CNTNAP2: variants seen among roughly 807,000 people sequenced by gnomAD.
CNTNAP2 encodes contactin-associated protein-like 2.
Under a neutral mutation model 155.2 loss-of-function variants are expected in CNTNAP2, and 98 were observed. The observed-to-expected ratio is 0.63, with a 90% CI of 0.54 to 0.75. The LOEUF (loss-of-function observed/expected upper bound fraction) is 0.75. Among genes scored for constraint, CNTNAP2 ranks in the 30% least tolerant of loss-of-function variants. The probability of loss-of-function intolerance (pLI) is 0.00; values close to 1 mark genes in which losing one functional copy is unlikely to be tolerated. For missense variants in CNTNAP2, 1,727 were observed against 1,688.1 expected (o/e 1.02, Z -0.40); for synonymous variants, 651 against 631.2 (o/e 1.03, Z -0.47).
chr7:147,486,292 A>G (rs1798510313), intron 11 of CNTNAP2, among the ~76,000 whole-genome samples: 1 of 152,288 alleles, frequency 6.6e-6, no homozygotes, highest in South Asian at 2.1e-4. Flanking sequence ...ATAAACACAT[A>G]GTTGAGATTG....
chr7:147,915,456 T>A (rs1279225872), intron 14 of CNTNAP2, among the ~76,000 whole-genome samples: 1 of 152,194 alleles, frequency 6.6e-6, no homozygotes, highest in Non-Finnish European at 1.5e-5. Flanking sequence ...TATAGGAATA[T>A]GATATTATGA....
intron 1 of CNTNAP2, among the ~76,000 whole-genome samples, chr7:146,722,353 A>G (rs1801353134): frequency 6.6e-6 from 1 of 152,108 alleles, no homozygotes; most frequent in Non-Finnish European, 1.5e-5. Context: ...AGACACTAAT[A>G]CCCTGGGGTA....
At chr7:147,251,559 C>A (rs949835113) in intron 8 of CNTNAP2, among the ~76,000 whole-genome samples, 6 of 152,128 alleles carry the variant, frequency 3.9e-5, no homozygotes, top group African/African-American at 7.2e-5. Context: ...AAGAGAATTA[C>A]CTCCTCTGGA....
chr7:146,702,404 G>A (rs931331761), intron 1 of CNTNAP2, among the ~76,000 whole-genome samples: 2 of 152,090 alleles, frequency 1.3e-5, no homozygotes, highest in Non-Finnish European at 2.9e-5. Context: ...TAAAAGGGCA[G>A]AGAATTGTGA....
At position 147,613,460 on chromosome 7, in the gene CNTNAP2, C is replaced by T. The variant is rs192487900; in HGVS notation, c.1898-25646C>T. ...AAATTTCACATTCTTTATGGCATGT[C>T]GATGAAGAAGAGAGCTGAATTTTAA... On this transcript the variant is annotated intron_variant, in intron 12 of 23. Transcript: ENST00000361727. Among the ~76,000 whole-genome samples, 541 of 152,234 alleles carry T rather than the reference C, an allele frequency of 3.6e-3. 16 individuals carry two copies. The highest frequency in any genetic ancestry group is 1.4e-3 in the Non-Finnish European group (94 of 68,026).
In CNTNAP2 at chr7:146,708,588, A is replaced by ATTTTTTTTTTTTTTT. The variant is rs71165029; in HGVS notation, c.98-65671_98-65657dup. 6.6e-4 allele frequency among the ~76,000 whole-genome samples: 42 copies of ATTTTTTTTTTTTTTT among 63,972 alleles called. 13 individuals carry two copies. The highest frequency in any genetic ancestry group is 1.8e-3 in the African/African-American group (23 of 12,798). 42.0% of individuals were successfully genotyped at this position (63,972 alleles called of 152,430 possible). A position where few individuals can be genotyped will look rare whatever the true frequency, so the allele number is the denominator to read the frequency against. ...CTGTTTAAGAAAAAAAAAAAAAGTG[A>ATTTTTTTTTTTTTTT]TTTTTTTTTTTTTTTTTTTTTTTTT... On this transcript the variant is annotated intron_variant, in intron 1 of 23. Coordinates refer to ENST00000361727, the MANE Select transcript of CNTNAP2 (RefSeq NM_014141.6).
chr7:147,128,616 C>A (rs185321863), intron 6 of CNTNAP2, 77 bp from the exon 7 acceptor site: 2 of 1,540,838 alleles, frequency 1.3e-6, no homozygotes, highest in Non-Finnish European at 1.8e-6. Flanking sequence ...GATACTTGAC[C>A]TTCACTGTAT....
At chr7:148,218,134 A>C (rs1795679862) in intron 19 of CNTNAP2, among the ~76,000 whole-genome samples, 1 of 152,258 alleles carries the variant, frequency 6.6e-6, no homozygotes, top group African/African-American at 2.4e-5. Context: ...TCAAAAGAAA[A>C]AAAAGACTAA....
At chr7:146,443,286 A>G (rs1209481492) in intron 1 of CNTNAP2, among the ~76,000 whole-genome samples, 1 of 151,874 alleles carries the variant, frequency 6.6e-6, no homozygotes, top group Non-Finnish European at 1.5e-5. Context: ...TCAGGTTTTG[A>G]GAATGCTGAC....
chr7:147,473,664 T>G (rs933292041), intron 10 of CNTNAP2, among the ~76,000 whole-genome samples: 4 of 152,232 alleles, frequency 2.6e-5, no homozygotes, highest in Admixed American at 6.5e-5. Flanking sequence ...GCATCCAGTG[T>G]CTTCCTTTCA....
intron 9 of CNTNAP2, among the ~76,000 whole-genome samples, chr7:147,385,024 A>T (rs547479528): frequency 6.6e-6 from 1 of 152,300 alleles, no homozygotes; most frequent in East Asian, 1.9e-4. Flanking sequence ...AAGGAGGAGC[A>T]AGTCACATCT....
rs150993745 is a variant in CNTNAP2 at position 147,915,273 on chromosome 7, C to T, written c.2255+11552C>T. Among the ~76,000 whole-genome samples the T allele has an allele frequency of 4.3e-3, 624 of 144,416 alleles. 2 individuals are homozygous for T. Among genetic ancestry groups the T allele is most frequent in the African/African-American group, 0.013 (527 of 40,822 alleles). 94.7% of individuals were successfully genotyped at this position (144,416 alleles called of 152,430 possible). Reference sequence around the variant, plus strand: ...GAGGATTCCTCCGCTCAGCGGGCGCCGTGAAACTGAGAATATTCATACCAT... The same window carrying T: ...GAGGATTCCTCCGCTCAGCGGGCGCTGTGAAACTGAGAATATTCATACCAT... On this transcript the variant is annotated intron_variant, in intron 14 of 23. Coordinates refer to ENST00000361727, the MANE Select transcript of CNTNAP2 (RefSeq NM_014141.6).
At chr7:147,741,276 C>T (rs1796951374) in intron 13 of CNTNAP2, among the ~76,000 whole-genome samples, 1 of 152,310 alleles carries the variant, frequency 6.6e-6, no homozygotes, top group South Asian at 2.1e-4. Flanking sequence ...TCATTTTAAA[C>T]ACTGGCTTCA....
At chr7:147,772,784 G>A (rs923359678) in intron 13 of CNTNAP2, among the ~76,000 whole-genome samples, 3 of 151,800 alleles carry the variant, frequency 2.0e-5, no homozygotes, top group Non-Finnish European at 2.9e-5. Context: ...ATTGCCTTTA[G>A]AGACATCTCC....
Position 147,132,266 on chromosome 7 carries a change from G to A in CNTNAP2, c.1105G>A (p.Val369Met), listed in dbSNP as rs368057493. 139 of 1,613,672 alleles carry A rather than the reference G, an allele frequency of 8.6e-5. 3 individuals are homozygous for A. The South Asian group carries it at 1.5e-3, about 17-fold the overall frequency. Reference protein sequence around the residue: ...SNVGNLSFSCVEPYTVPVFFN... With the variant: ...SNVGNLSFSCMEPYTVPVFFN... ...ACAGGGAAATTTGAGCTTTTCTTGT[G>A]TGGAACCCTATACGGTGCCTGTCTT... The change falls in exon 8 of 24, where the codon GTG (valine) becomes ATG (methionine). Residue 369 changes from valine to methionine, a missense_variant. By Grantham distance (21) the Val-to-Met change is conservative (BLOSUM62 1). Transcript: ENST00000361727.
chr7:147,046,828 G>A (rs1799366350), intron 4 of CNTNAP2, among the ~76,000 whole-genome samples: 2 of 151,986 alleles, frequency 1.3e-5, no homozygotes, highest in South Asian at 2.1e-4. Flanking sequence ...AGGAGATCGA[G>A]ACCATCCTGG....
chr7:148,224,256 T>C (rs1795803852), intron 19 of CNTNAP2, among the ~76,000 whole-genome samples: 1 of 151,860 alleles, frequency 6.6e-6, no homozygotes, highest in Admixed American at 6.6e-5. Context: ...TTTCTGCGTG[T>C]TGCCAAACAA....
At chr7:147,489,959 T>G (rs566816054) in intron 11 of CNTNAP2, among the ~76,000 whole-genome samples, 58 of 152,332 alleles carry the variant, frequency 3.8e-4, no homozygotes, top group African/African-American at 1.3e-3. Context: ...GGAACTGCTC[T>G]AAAAATTCCT....
At chr7:147,259,604 G>A (rs1432991652) in intron 8 of CNTNAP2, among the ~76,000 whole-genome samples, 1 of 152,144 alleles carries the variant, frequency 6.6e-6, no homozygotes, top group Non-Finnish European at 1.5e-5. Context: ...TGTATATGGA[G>A]GACATTTATG....
Sources: allele counts gnomAD v4.1 joint callset (sites outside exome capture counted in the v4.1 genomes callset), GRCh38; gene constraint gnomAD v4.1.1; transcripts MANE v1.5; gene names NCBI Gene and HGNC (gene_info 2026-07-23, HGNC 2026-07-21).